The following SHISA9 variants were observed in gnomAD, a reference collection of about 807,000 sequenced individuals.
The protein encoded by SHISA9 is shisa family member 9, also known as protein shisa-9.
In SHISA9, 13 loss-of-function variants were observed where a neutral mutation model predicts 38.0. That is an observed-to-expected ratio of 0.34 (90% confidence interval 0.22 to 0.54). SHISA9 has a LOEUF of 0.54. Among genes scored for constraint, SHISA9 ranks in the 20% least tolerant of loss-of-function variants. The probability of loss-of-function intolerance (pLI) is 0.91; values close to 1 mark genes in which losing one functional copy is unlikely to be tolerated. For missense variants in SHISA9, 538 were observed against 575.8 expected (o/e 0.93, Z 0.67); for synonymous variants, 275 against 242.0 (o/e 1.14, Z -1.27).
chr16:13,168,130 G>A (rs1199868320), intron 2 of SHISA9, among the ~76,000 whole-genome samples: 1 of 152,112 alleles, frequency 6.6e-6, no homozygotes, highest in Non-Finnish European at 1.5e-5. Flanking sequence ...CTTCAAGCGT[G>A]ACTGTCTTAT....
intron 2 of SHISA9, among the ~76,000 whole-genome samples, chr16:13,055,816 T>C (rs1161723774): frequency 2.0e-5 from 3 of 152,262 alleles, no homozygotes; most frequent in Non-Finnish European, 4.4e-5. Context: ...TCAACCGAGA[T>C]GTATTGTTTT....
chr16:13,468,231 C>A, the SHISA9 span, among the ~76,000 whole-genome samples: 1 of 152,162 alleles, frequency 6.6e-6, no homozygotes, highest in Non-Finnish European at 1.5e-5. Flanking sequence ...AAGCTTGTTG[C>A]TGGAAACCAA....
At position 12,902,340 on chromosome 16, in the gene SHISA9, G is replaced by A; in HGVS notation, c.276G>A (p.Ser92=). 6.4e-7 allele frequency: 1 copy of A among 1,551,452 alleles called. No individual in the cohort carries two copies. Among genetic ancestry groups the A allele is most frequent in the South Asian group, 1.2e-5 (1 of 84,066 alleles). Residue 92 remains serine (S), a synonymous_variant, in exon 1 of 5, where the codon TCG becomes TCA. Coordinates refer to ENST00000558583, the MANE Select transcript of SHISA9 (RefSeq NM_001145204.3). ...GQWDPPFNCS[S]GDFIFCCGTC... ...GGGACCCGCCGTTCAACTGCAGCTC[G>A]GGCGACTTCATCTTCTGCTGCGGGA...
the SHISA9 span, among the ~76,000 whole-genome samples, chr16:13,496,089 G>A: frequency 2.4e-4 from 36 of 152,198 alleles, no homozygotes; most frequent in East Asian, 6.4e-3. Flanking sequence ...TACACTAAAT[G>A]CCACTGTCTG....
the SHISA9 span, among the ~76,000 whole-genome samples, chr16:13,547,568 G>T: frequency 1.1e-4 from 16 of 152,242 alleles, no homozygotes; most frequent in African/African-American, 3.6e-4. Flanking sequence ...GAGAGGGAGA[G>T]AATTTGCCAT....
chr16:13,442,505 A>G, the SHISA9 span, among the ~76,000 whole-genome samples: 1 of 152,074 alleles, frequency 6.6e-6, no homozygotes, highest in Non-Finnish European at 1.5e-5. Flanking sequence ...ACAGGGTTTC[A>G]CCTTGTTGGC....
At chr16:13,260,469 T>C in the SHISA9 span, among the ~76,000 whole-genome samples, 1 of 152,194 alleles carries the variant, frequency 6.6e-6, no homozygotes, top group South Asian at 2.1e-4. Flanking sequence ...CCCAAAATTA[T>C]CTTTTTCAAG....
At position 13,213,286 on chromosome 16, in the gene SHISA9, T is replaced by A. The variant is rs1034595113; in HGVS notation, c.881T>A (p.Leu294His). ...SSDGDWAVSTLKSPKADKVND... is the reference protein window; with the variant it reads ...SSDGDWAVSTHKSPKADKVND... ...GATGGTGACTGGGCAGTATCGACACTTAAGTCACCAAAAGGTACTGTACAG... is the reference window on the plus strand; with the variant it reads ...GATGGTGACTGGGCAGTATCGACACATAAGTCACCAAAAGGTACTGTACAG... The change falls in exon 4 of 5, where the codon CTT (leucine) becomes CAT (histidine). Residue 294 changes from leucine to histidine, a missense_variant. Transcript: ENST00000558583. The A allele has an allele frequency of 2.8e-5, 43 of 1,551,738 alleles. No individual in the cohort carries two copies. Among genetic ancestry groups the A allele is most frequent in the Middle Eastern group, 1.7e-4 (1 of 6,014 alleles).
chr16:13,295,452 A>G, the SHISA9 span, among the ~76,000 whole-genome samples: 1 of 152,204 alleles, frequency 6.6e-6, no homozygotes, highest in Non-Finnish European at 1.5e-5. Context: ...CAGTGTCTTC[A>G]TGAAACTCTG....
the SHISA9 span, among the ~76,000 whole-genome samples, chr16:13,348,152 GTTTAGTA>G: frequency 3.3e-5 from 5 of 152,140 alleles, no homozygotes; most frequent in African/African-American, 9.7e-5. Flanking sequence ...GTTAAGACAG[GTTTAGTA>G]TCCCATATCT....
chr16:13,077,387 G>C (rs1453607736), intron 2 of SHISA9, among the ~76,000 whole-genome samples: 1 of 152,016 alleles, frequency 6.6e-6, no homozygotes, highest in Admixed American at 6.6e-5. Context: ...CACAAACCCA[G>C]ACCAAGGAAG....
At chr16:13,539,349 A>ATT in the SHISA9 span, among the ~76,000 whole-genome samples, 1 of 62,288 alleles carries the variant, frequency 1.6e-5, no homozygotes, top group Non-Finnish European at 3.4e-5. Flanking sequence ...ATATAAAGAT[A>ATT]TATATATATA....
the SHISA9 span, among the ~76,000 whole-genome samples, chr16:13,261,015 G>C: frequency 6.6e-6 from 1 of 152,098 alleles, no homozygotes; most frequent in African/African-American, 2.4e-5. Context: ...ATCAGATCTC[G>C]TGAAACTTAT....
intron 2 of SHISA9, among the ~76,000 whole-genome samples, chr16:13,153,271 G>GA (rs1300136410): frequency 2.2e-3 from 325 of 147,524 alleles, no homozygotes; most frequent in South Asian, 9.4e-3. Context: ...AGCTCAACCA[G>GA]AAAAAAAAAA....
intron 2 of SHISA9, among the ~76,000 whole-genome samples, chr16:13,070,123 CGTGTGTGTGTGT>C (rs55824636): frequency 2.7e-5 from 4 of 145,806 alleles, no homozygotes; most frequent in South Asian, 4.4e-4. Context: ...CTTTAAAGTA[CGTGTGTGTGTGT>C]GTGTGTGTGT....
the SHISA9 span, among the ~76,000 whole-genome samples, chr16:13,325,577 C>T: frequency 6.6e-6 from 1 of 152,162 alleles, no homozygotes. Flanking sequence ...GTTATGCCGA[C>T]TGAGAAGTTG....
At chr16:13,543,186 T>C in the SHISA9 span, among the ~76,000 whole-genome samples, 1 of 152,106 alleles carries the variant, frequency 6.6e-6, no homozygotes. Context: ...TAAAGGTAGA[T>C]GGGGTGTGGG....
chr16:12,987,696 C>T (rs574502649), intron 2 of SHISA9, among the ~76,000 whole-genome samples: 1 of 152,098 alleles, frequency 6.6e-6, no homozygotes. Context: ...ACACGTTTAC[C>T]TATAAAACAA....
chr16:13,108,873 A>G lies in SHISA9; in HGVS notation c.692-94521A>G, dbSNP rs937565954. On this transcript the variant is annotated intron_variant, in intron 2 of 4. Transcript: ENST00000558583. ...TATCCCTAGGTATGGTCAATTTCTC[A>G]ATGTTTCTCCTAAAGTGTAGTGTCC... Among the ~76,000 whole-genome samples the G allele has an allele frequency of 5.3e-5, 8 of 152,196 alleles. No homozygotes were observed. In the East Asian group the frequency reaches 1.4e-3, roughly 26 times the overall value.
Sources: gnomAD v4.1 joint callset for allele counts (sites outside exome capture counted in the v4.1 genomes callset) on GRCh38, gnomAD v4.1.1 for gene constraint, MANE v1.5 for transcripts, NCBI Gene and HGNC (gene_info 2026-07-23, HGNC 2026-07-21) for gene names.